GBP4: variants seen among roughly 807,000 people sequenced by gnomAD.
GBP4 encodes the protein guanylate binding protein 4, also known as guanylate-binding protein 4.
Under a neutral mutation model 62.2 loss-of-function variants are expected in GBP4, and 69 were observed. That is an observed-to-expected ratio of 1.11 (90% confidence interval 0.91 to 1.36). The LOEUF is 1.36. Among genes scored for constraint, GBP4 ranks in the 40% most tolerant of loss-of-function variants. The probability of loss-of-function intolerance (pLI) is 0.00; values close to 1 mark genes in which losing one functional copy is unlikely to be tolerated. For missense variants in GBP4, 697 were observed against 759.3 expected (o/e 0.92, Z 0.96); for synonymous variants, 278 against 274.6 (o/e 1.01, Z -0.12).
chr1:89,187,156 T>G, intron 8 of GBP4, 54 bp from the exon 9 acceptor site: 2 of 1,399,122 alleles, frequency 1.4e-6, no homozygotes, highest in East Asian at 4.6e-5. Flanking sequence ...TCTCATCTTA[T>G]GATGGCGAAA....
At position 89,184,363 on chromosome 1, in the gene GBP4, T is replaced by C. The variant is rs1180157655; in HGVS notation, c.*891A>G. The stretch of plus-strand genomic sequence containing the variant: ...CAAAGGAATGCATATCCCAAGGAAA[T>C]ATAAATCATTGTACCATAAAGGCAC... On this transcript the variant is annotated 3_prime_UTR_variant, in exon 11 of 11. Transcript: ENST00000355754. The C allele has an allele frequency of 6.6e-6, 1 of 152,170 alleles. No homozygotes were observed. Among genetic ancestry groups the C allele is most frequent in the Admixed American group, 6.5e-5 (1 of 15,276 alleles). The allele number at this position is 152,170 out of a possible 1,614,324, so 9.4% of individuals were successfully genotyped here. A position where few individuals can be genotyped will look rare whatever the true frequency, so the allele number is the denominator to read the frequency against.
Position 89,185,481 on chromosome 1 carries a change from A to ACT in GBP4, c.1708-13_1708-12insAG. On this transcript the variant is annotated splice_polypyrimidine_tract_variant and intron_variant, in intron 10 of 10. Transcript: ENST00000355754. Reference sequence around the variant, plus strand: ...ATTTCTTCTTGTACCTATAAAAGGGAAATAGTCCACTTTTGAAAATCTCCA... The same window carrying ACT: ...ATTTCTTCTTGTACCTATAAAAGGGACTAATAGTCCACTTTTGAAAATCTCCA... 7.3e-7 allele frequency: 1 copy of ACT among 1,366,424 alleles called. No homozygotes were observed. The highest frequency in any genetic ancestry group is 1.0e-6 in the Non-Finnish European group (1 of 968,042). 84.6% of individuals were successfully genotyped at this position (1,366,424 alleles called of 1,614,324 possible). A position where few individuals can be genotyped will look rare whatever the true frequency, so the allele number is the denominator to read the frequency against.
In GBP4 at chr1:89,186,563, C is replaced by T. The variant is rs373783111; in HGVS notation, c.1514-37G>A. 1.6e-4 allele frequency: 258 copies of T among 1,588,314 alleles called. 17 individuals are homozygous for T. The highest frequency in any genetic ancestry group is 6.0e-4 in the East Asian group (27 of 44,682). On this transcript the variant is annotated intron_variant, in intron 9 of 10. Transcript: ENST00000355754. ...AGGTTTTAGAGAGGGAAGAAAATGA[C>T]AGTTATTCCTGAGTTCTACCCTCCT...
At chr1:89,197,825 C>T (rs1165410594) in intron 1 of GBP4, among the ~76,000 whole-genome samples, 2 of 152,112 alleles carry the variant, frequency 1.3e-5, no homozygotes, top group African/African-American at 4.8e-5. Flanking sequence ...AAGCAAGGAA[C>T]ATAATTGATA....
chr1:89,190,257 C>T lies in GBP4; in HGVS notation c.978G>A (p.Leu326=), dbSNP rs1648145661. The change falls in exon 7 of 11, where the codon CTG becomes CTA. Residue 326 remains leucine, a synonymous_variant. Coordinates refer to ENST00000355754, the MANE Select transcript of GBP4 (RefSeq NM_052941.5). The part of the protein sequence containing the change: ...DAINSGAVPC[L]ENAVTALAQL... ...GGGCCAGTGCTGTCACTGCATTCTC[C>T]AGACAAGGTACTGCTCCACTGTTGA... 1 of 1,614,076 alleles carries T rather than the reference C, an allele frequency of 6.2e-7. No individual in the cohort carries two copies. The highest frequency in any genetic ancestry group is 1.3e-5 in the African/African-American group (1 of 74,918).
chr1:89,182,481 A>ATT lies in GBP4; in HGVS notation c.*2771_*2772dup, dbSNP rs397790583. 4.3e-3 allele frequency: 561 copies of ATT among 131,222 alleles called. 5 individuals are homozygous for ATT. Among genetic ancestry groups the ATT allele is most frequent in the African/African-American group, 6.3e-3 (220 of 34,936 alleles). The allele number at this position is 131,222 out of a possible 1,614,324, so 8.1% of individuals were successfully genotyped here. A position where few individuals can be genotyped will look rare whatever the true frequency, so the allele number is the denominator to read the frequency against. ...ACATCGGTTTCTAAGTTATGAGTTGATTTTTTTTTTTTTTTTTTGAGACGG... is the reference window on the plus strand; with the variant it reads ...ACATCGGTTTCTAAGTTATGAGTTGATTTTTTTTTTTTTTTTTTTTGAGACGG... On this transcript the variant is annotated 3_prime_UTR_variant, in exon 11 of 11. Coordinates refer to ENST00000355754, the MANE Select transcript of GBP4 (RefSeq NM_052941.5).
rs535943758 is a variant in GBP4 at position 89,182,088 on chromosome 1, T to A, written c.*3166A>T. ...AAGGACATAGGGTGAGGAAGCCGGG[T>A]TGTTTTAAGAAGCCTGTGTCCCCTG... On this transcript the variant is annotated 3_prime_UTR_variant, in exon 11 of 11. Transcript: ENST00000355754. 3.3e-5 allele frequency: 5 copies of A among 152,018 alleles called. No individual in the cohort carries two copies. Among genetic ancestry groups the A allele is most frequent in the African/African-American group, 4.8e-5 (2 of 41,392 alleles). The allele number at this position is 152,018 out of a possible 1,614,324, so 9.4% of individuals were successfully genotyped here.
chr1:89,192,907 G>C lies in GBP4; in HGVS notation c.667C>G (p.Pro223Ala). Reference sequence around the variant, plus strand: ...CATCCAGGCCATGCTCTGATACCTGGAATCAGCTTCAAGGCATTCTCCAGG... The same window carrying C: ...CATCCAGGCCATGCTCTGATACCTGCAATCAGCTTCAAGGCATTCTCCAGG... ...EYLENALKLI[P>A]GKNPKIQNSN... Residue 223 changes from proline (P) to alanine (A), a missense_variant, in exon 5 of 11, where the codon CCA becomes GCA. Transcript: ENST00000355754. 1 of 1,613,456 alleles carries C rather than the reference G, an allele frequency of 6.2e-7. No homozygotes were observed. The highest frequency in any genetic ancestry group is 8.5e-7 in the Non-Finnish European group (1 of 1,179,526).
chr1:89,187,030 CT>C lies in GBP4; in HGVS notation c.1482del (p.Ala495ProfsTer9). 1 of 1,614,130 alleles carries C rather than the reference CT, an allele frequency of 6.2e-7. No individual in the cohort carries two copies. Among genetic ancestry groups the C allele is most frequent in the Non-Finnish European group, 8.5e-7 (1 of 1,180,010 alleles). On this transcript the variant is annotated frameshift_variant, in exon 9 of 11. Transcript: ENST00000355754. LOFTEE classifies it high-confidence loss of function. Reference sequence around the variant, plus strand: ...ATGGCCTTCTCTCCAGCAGTGAGGGCTTTGTCTGACTGCAGGATGGATTCCT... The same window carrying C: ...ATGGCCTTCTCTCCAGCAGTGAGGGCTTGTCTGACTGCAGGATGGATTCCT... ...VVEESILQSDKALTAGEKAIA... is the reference protein window; with the variant it reads ...VVEESILQSDXALTAGEKAIA...
rs763449970 is a variant in GBP4, at chr1:89,197,158, G to A, written c.187C>T (p.Arg63Cys). 11 of 1,613,744 alleles carry A rather than the reference G, an allele frequency of 6.8e-6. No individual in the cohort carries two copies. The highest frequency in any genetic ancestry group is 8.5e-6 in the Non-Finnish European group (10 of 1,179,874). ...TTCATGAGATAGGATTTTCCTGTGC[G>A]GTATAGCCCTACAATGGCCACCACC... ...VVVVAIVGLY[R>C]TGKSYLMNRL... is the part of the protein sequence containing the mutation. Residue 63 changes from arginine (R) to cysteine (C), a missense_variant, in exon 2 of 11, where the codon CGC becomes TGC. Transcript: ENST00000355754.
intron 7 of GBP4, among the ~76,000 whole-genome samples, 193 bp downstream of exon 7, chr1:89,189,844 TC>T (rs1323968784): frequency 6.6e-6 from 1 of 152,142 alleles, no homozygotes; most frequent in Non-Finnish European, 1.5e-5. Context: ...CATGATAATT[TC>T]TTTTGCAGCA....
At chr1:89,198,652 C>G (rs1299593345) in intron 1 of GBP4, 143 bp downstream of exon 1, 5 of 750,828 alleles carry the variant, frequency 6.7e-6, no homozygotes, top group African/African-American at 3.4e-5. Context: ...CATCAGACTT[C>G]CCCGCGAGGT....
Position 89,186,515 on chromosome 1 carries a change from T to C in GBP4, c.1525A>G (p.Met509Val). Residue 509 changes from methionine (M) to valine (V), a missense_variant, in exon 10 of 11, where the codon ATG becomes GTG. This residue lies in a region of GBP4 where 141 missense variants were observed against 196.6 expected (regional missense o/e 0.72). Transcript: ENST00000355754. Reference sequence around the variant, plus strand: ...TGTTCCTTCTCAGCTGCTTCCTTCATGGCCCGCTCCGCTATTCCACAAAGG... The same window carrying C: ...TGTTCCTTCTCAGCTGCTTCCTTCACGGCCCGCTCCGCTATTCCACAAAGG... ...GEKAIAAERA[M>V]KEAAEKEQEL... 1.2e-6 allele frequency: 2 copies of C among 1,613,930 alleles called. No homozygotes were observed. Among genetic ancestry groups the C allele is most frequent in the Non-Finnish European group, 1.7e-6 (2 of 1,179,968 alleles).
chr1:89,187,153 T>A, intron 8 of GBP4, 51 bp from the exon 9 acceptor site: 1 of 1,412,944 alleles, frequency 7.1e-7, no homozygotes, highest in South Asian at 1.2e-5. Context: ...AGGTCTCATC[T>A]TATGATGGCG....
chr1:89,195,507 A>T, intron 2 of GBP4, 83 bp from the exon 3 acceptor site: 1 of 1,524,706 alleles, frequency 6.6e-7, no homozygotes, highest in Non-Finnish European at 9.0e-7. Context: ...ACTTGTAGGA[A>T]TGTTTAAGTG....
chr1:89,192,376 G>GT (rs368241419), intron 5 of GBP4, among the ~76,000 whole-genome samples: 5,387 of 151,216 alleles, frequency 0.036, 95 homozygotes, highest in Middle Eastern at 0.048. Context: ...AAGCATATGT[G>GT]TTTTTTTTTA....
At chr1:89,188,353 A>G (rs749173594) in intron 8 of GBP4, among the ~76,000 whole-genome samples, 1 of 152,228 alleles carries the variant, frequency 6.6e-6, no homozygotes, top group Non-Finnish European at 1.5e-5. Flanking sequence ...AATATAATAA[A>G]TGGGTTGTTT....
Position 89,193,177 on chromosome 1 carries a change from G to A in GBP4, c.474-77C>T, listed in dbSNP as rs544537323. ...TCACTTAGAAACAAGTTTTATACAC[G>A]TTCCCTTTTGCACTCTGTCTTTTCT... On this transcript the variant is annotated intron_variant, in intron 4 of 10. Transcript: ENST00000355754. 1.3e-3 allele frequency: 2,025 copies of A among 1,538,500 alleles called. 1 individual carries two copies. Among genetic ancestry groups the A allele is most frequent in the Non-Finnish European group, 1.7e-3 (1,892 of 1,119,286 alleles).
intron 8 of GBP4, among the ~76,000 whole-genome samples, chr1:89,187,878 CTGTT>C (rs978033362): frequency 2.6e-5 from 4 of 152,176 alleles, no homozygotes; most frequent in South Asian, 2.1e-4. Context: ...TTCTTGGAAA[CTGTT>C]TGTAGGAACA....
Sources: allele counts gnomAD v4.1 joint callset (sites outside exome capture counted in the v4.1 genomes callset), GRCh38; gene constraint gnomAD v4.1.1; regional missense constraint gnomAD v4.1.1; transcripts MANE v1.5; gene names NCBI Gene and HGNC (gene_info 2026-07-23, HGNC 2026-07-21).